MED12L: variants seen among roughly 807,000 people sequenced by gnomAD.
MED12L encodes the protein mediator of RNA polymerase II transcription subunit 12-like protein.
In MED12L, 60 loss-of-function variants were observed where a neutral mutation model predicts 281.3. The observed-to-expected ratio is 0.21, with a 90% CI of 0.17 to 0.26. MED12L has a LOEUF of 0.26. MED12L is among the 10% of genes least tolerant of loss of function. MED12L has a pLI of 1.00. For synonymous variants in MED12L, 974 were observed against 987.2 expected, an observed-to-expected ratio of 0.99 and a Z score of 0.25; for missense variants, 2,146 against 2,680.9, an observed-to-expected ratio of 0.80 and a Z score of 4.41.
intron 16 of MED12L, among the ~76,000 whole-genome samples, chr3:151,343,137 C>T (rs571848985): frequency 6.6e-5 from 10 of 152,210 alleles, no homozygotes; most frequent in South Asian, 4.1e-4. Flanking sequence ...GATGGTTGTA[C>T]GTCTTTCAAT....
chr3:151,193,797 G>T (rs1191167607), intron 16 of MED12L, 131 bp downstream of exon 16: 1 of 735,278 alleles, frequency 1.4e-6, no homozygotes, highest in Non-Finnish European at 2.2e-6. Context: ...ATTTGCTCCT[G>T]CTTCTGTTCT....
At chr3:151,239,783 C>A (rs1393334895) in intron 16 of MED12L, among the ~76,000 whole-genome samples, 4 of 152,054 alleles carry the variant, frequency 2.6e-5, no homozygotes, top group Non-Finnish European at 4.4e-5. Flanking sequence ...TGTTAGTTTG[C>A]TTGTTTTAGC....
intron 16 of MED12L, among the ~76,000 whole-genome samples, chr3:151,279,523 G>A (rs1284139749): frequency 6.6e-6 from 1 of 152,214 alleles, no homozygotes; most frequent in African/African-American, 2.4e-5. Context: ...GAGACACAGA[G>A]CTTGTTTAGA....
intron 4 of MED12L, among the ~76,000 whole-genome samples, chr3:151,123,855 T>C (rs1037921469): frequency 2.5e-4 from 38 of 152,252 alleles, no homozygotes; most frequent in African/African-American, 8.4e-4. Flanking sequence ...GTAGCTTCCA[T>C]TGGCTTTATT....
At position 151,094,439 on chromosome 3, in the gene MED12L, G is replaced by T. The variant is rs191642903; in HGVS notation, c.99+7414G>T. The stretch of plus-strand genomic sequence containing the variant: ...CTTCAGAATCTGAGAAAAACCAGGT[G>T]GAGGGAAGAAATCCAATTGAAATGT... On this transcript the variant is annotated intron_variant, in intron 2 of 44. Transcript: ENST00000687756. Among the ~76,000 whole-genome samples, 6 of 152,236 alleles carry T rather than the reference G, an allele frequency of 3.9e-5. No individual in the cohort carries two copies. The East Asian group carries it at 1.2e-3, about 29-fold the overall frequency.
At chr3:151,192,174 C>G (rs1210142295) in intron 14 of MED12L, among the ~76,000 whole-genome samples, 2 of 152,040 alleles carry the variant, frequency 1.3e-5, no homozygotes, top group Admixed American at 1.3e-4. Flanking sequence ...CCTGCTTTTT[C>G]TTTTCTATTC....
intron 16 of MED12L, chr3:151,270,196 C>CATGTGTGTGTGT (rs71621430): frequency 3.9e-5 from 5 of 129,646 alleles, no homozygotes; most frequent in African/African-American, 6.6e-5. Flanking sequence ...AGCAAGCTGT[C>CATGTGTGTGTGT]GTGTGTGTGT....
Position 151,085,709 on chromosome 3 carries a change from C to T in MED12L, c.-357C>T, listed in dbSNP as rs1336541101. 1.3e-5 allele frequency: 2 copies of T among 152,092 alleles called. No individual in the cohort carries two copies. The highest frequency in any genetic ancestry group is 2.4e-5 in the African/African-American group (1 of 41,452). The allele number at this position is 152,092 out of a possible 1,614,324, so 9.4% of individuals were successfully genotyped here. A position where few individuals can be genotyped will look rare whatever the true frequency, so the allele number is the denominator to read the frequency against. On this transcript the variant is annotated 5_prime_UTR_variant, in exon 1 of 45. Transcript: ENST00000687756. ...GCCGCCGTCCGCCAACTCGGAAGCT[C>T]GCGCTCCCGGGCCGTGGGGGCGAGA...
chr3:151,399,346 C>T (rs1715370981), intron 39 of MED12L, among the ~76,000 whole-genome samples: 1 of 152,124 alleles, frequency 6.6e-6, no homozygotes, highest in Non-Finnish European at 1.5e-5. Context: ...TTTCCCATAA[C>T]AATATTATTT....
chr3:151,433,048 C>G lies in MED12L; in HGVS notation c.*244C>G. The stretch of plus-strand genomic sequence containing the variant: ...TACAAATGTGAATCATGCAGGCAGG[C>G]CTACTCCCGGAAGAGTGTGCTAGCA... On this transcript the variant is annotated 3_prime_UTR_variant, in exon 45 of 45. Transcript: ENST00000687756. The G allele has an allele frequency of 2.2e-6, 1 of 445,548 alleles. No homozygotes were observed. Among genetic ancestry groups the G allele is most frequent in the Non-Finnish European group, 4.0e-6 (1 of 248,674 alleles). The allele number at this position is 445,548 out of a possible 1,614,324, so 27.6% of individuals were successfully genotyped here.
intron 16 of MED12L, 41 bp from the exon 17 acceptor site, chr3:151,350,018 C>G (rs776383414): frequency 6.3e-7 from 1 of 1,589,898 alleles, no homozygotes; most frequent in South Asian, 1.1e-5. Context: ...CAACCCCACC[C>G]CTGCAGACAA....
At chr3:151,284,658 G>A (rs1380923461) in intron 16 of MED12L, among the ~76,000 whole-genome samples, 1 of 152,156 alleles carries the variant, frequency 6.6e-6, no homozygotes, top group Admixed American at 6.5e-5. Flanking sequence ...GCCCAGGCTG[G>A]AGTGCAATGG....
chr3:151,155,820 A>G (rs1235042702), intron 5 of MED12L, among the ~76,000 whole-genome samples: 2 of 152,090 alleles, frequency 1.3e-5, no homozygotes, highest in Non-Finnish European at 2.9e-5. Flanking sequence ...TTGATATACT[A>G]ACTGATGTTT....
intron 16 of MED12L, chr3:151,278,369 TAC>T (rs1360955581): frequency 6.6e-6 from 1 of 152,264 alleles, no homozygotes; most frequent in East Asian, 1.9e-4. Flanking sequence ...GTAACACTGT[TAC>T]AGAGTTCTTG....
At chr3:151,372,819 G>C (rs1577480742) in intron 27 of MED12L, 53 bp downstream of exon 27, 7 of 1,419,376 alleles carry the variant, frequency 4.9e-6, no homozygotes, top group South Asian at 1.2e-5. Context: ...TTCTTTTGGA[G>C]AGAGCTACTT....
intron 1 of MED12L, among the ~76,000 whole-genome samples, chr3:151,086,177 C>G (rs529744247): frequency 2.6e-5 from 4 of 152,284 alleles, no homozygotes; most frequent in African/African-American, 4.8e-5. Context: ...GGCGCCTGCC[C>G]GGAGCCGCCG....
intron 38 of MED12L, 126 bp from the exon 39 acceptor site, chr3:151,394,530 A>G: frequency 7.1e-7 from 1 of 1,414,308 alleles, no homozygotes; most frequent in Non-Finnish European, 9.6e-7. Flanking sequence ...CAGGTGGGAC[A>G]GTGCATTTTT....
chr3:151,198,190 T>C (rs1270095489), intron 16 of MED12L: 3 of 365,672 alleles, frequency 8.2e-6, no homozygotes, highest in Non-Finnish European at 1.5e-5. Flanking sequence ...ATTCGTTCAA[T>C]GAGACTCTTT....
intron 15 of MED12L, 49 bp downstream of exon 15, chr3:151,192,703 C>A: frequency 8.8e-7 from 1 of 1,132,444 alleles, no homozygotes; most frequent in Admixed American, 2.0e-5. Flanking sequence ...TAACCCGTTC[C>A]CATCCCAGCC....
Sources: allele counts gnomAD v4.1 joint callset (sites outside exome capture counted in the v4.1 genomes callset), GRCh38; gene constraint gnomAD v4.1.1; transcripts MANE v1.5; gene names NCBI Gene and HGNC (gene_info 2026-07-23, HGNC 2026-07-21).